MATN2: variants seen among roughly 807,000 people sequenced by gnomAD.
MATN2 encodes the protein matrilin-2.
A neutral mutation model predicts 103.2 loss-of-function variants in MATN2; 69 were observed. That is an observed-to-expected ratio of 0.67 (90% CI 0.55 to 0.82). MATN2 has a LOEUF of 0.82. Ranked by LOEUF, MATN2 falls within the 40% of genes least tolerant of loss-of-function variation. The pLI, the probability that MATN2 is intolerant of heterozygous loss-of-function variation, is 0.00. For missense variants in MATN2, 1,023 were observed against 1,211.5 expected, an observed-to-expected ratio of 0.84 and a Z score of 2.31; for synonymous variants, 429 against 450.2, an observed-to-expected ratio of 0.95 and a Z score of 0.60.
At position 97,931,485 on chromosome 8, in the gene MATN2, T is replaced by G. The variant is rs775831074; in HGVS notation, c.675T>G (p.Ile225Met). ...HVFLVANFSQ[I>M]ETLTSVFQKK... ...TCCTTGTGGCCAATTTCAGCCAGAT[T>G]GAGACGCTGACCTCCGTGTTCCAGA... Residue 225 changes from isoleucine (I) to methionine (M), a missense_variant, in exon 3 of 19, where the codon ATT (isoleucine) becomes ATG (methionine). Transcript: ENST00000254898. This position sits in a 1 kb window ranked among gnomAD's most constrained non-coding sequence, Gnocchi z 4.1. The G allele has an allele frequency of 4.2e-5, 67 of 1,612,774 alleles. No individual in the cohort carries two copies. The highest frequency in any genetic ancestry group is 5.6e-5 in the Non-Finnish European group (66 of 1,179,568).
chr8:97,936,859 G>C (rs1473866847), intron 3 of MATN2, among the ~76,000 whole-genome samples: 2 of 152,330 alleles, frequency 1.3e-5, no homozygotes, highest in South Asian at 2.1e-4. Context: ...CTCACCCACA[G>C]CATTCTACAG....
chr8:98,032,179 C>A, intron 15 of MATN2, 67 bp from the exon 16 acceptor site: 1 of 1,330,460 alleles, frequency 7.5e-7, no homozygotes, highest in Non-Finnish European at 1.1e-6. Context: ...CTGGGACCAG[C>A]TTCCTGAAGA....
intron 6 of MATN2, among the ~76,000 whole-genome samples, chr8:97,986,173 T>G (rs192811932): frequency 6.6e-6 from 1 of 152,202 alleles, no homozygotes; most frequent in Non-Finnish European, 1.5e-5. Flanking sequence ...ATTTATTGAG[T>G]CAAAGGCAAT....
At chr8:97,898,944 CAG>C (rs1818900910) in intron 2 of MATN2, among the ~76,000 whole-genome samples, 1 of 151,844 alleles carries the variant, frequency 6.6e-6, no homozygotes, top group South Asian at 2.1e-4. Flanking sequence ...TTTGTAAAGA[CAG>C]GGTTTCACCA....
chr8:97,949,595 G>A (rs1810876290), intron 4 of MATN2, among the ~76,000 whole-genome samples: 1 of 152,106 alleles, frequency 6.6e-6, no homozygotes, highest in African/African-American at 2.4e-5. Context: ...CAGCTTAGCG[G>A]TTTCTTACAA....
chr8:97,877,458 C>T (rs575451783), intron 1 of MATN2, among the ~76,000 whole-genome samples: 1 of 151,090 alleles, frequency 6.6e-6, no homozygotes, highest in African/African-American at 2.4e-5. Context: ...GCCTGAGCAA[C>T]GAGAGTGAAA....
chr8:98,011,118 A>G (rs1813143997), intron 10 of MATN2, among the ~76,000 whole-genome samples: 1 of 152,154 alleles, frequency 6.6e-6, no homozygotes, highest in Non-Finnish European at 1.5e-5. Context: ...CTGTGTCCTC[A>G]TATTGCATGG....
chr8:97,993,581 T>C (rs1262125632), intron 6 of MATN2, among the ~76,000 whole-genome samples: 1 of 152,080 alleles, frequency 6.6e-6, no homozygotes, highest in Non-Finnish European at 1.5e-5. Flanking sequence ...TAAAAAAATA[T>C]TTTGGTTTAA....
At chr8:97,885,408 A>G (rs1345568967) in intron 1 of MATN2, among the ~76,000 whole-genome samples, 3 of 152,056 alleles carry the variant, frequency 2.0e-5, no homozygotes, top group Non-Finnish European at 1.5e-5. Context: ...GGAGTTCAGG[A>G]GTTCAAAGAG....
chr8:98,027,412 A>G lies in MATN2; in HGVS notation c.1943-4A>G, dbSNP rs774297458. On this transcript the variant is annotated splice_region_variant and splice_polypyrimidine_tract_variant and intron_variant, in intron 13 of 18. Transcript: ENST00000254898. Reference sequence around the variant, plus strand: ...CTATGTCAACTTTCCTTCTGTTCATATAGAATGCACTGAAGGCCCAATTGA... The same window carrying G: ...CTATGTCAACTTTCCTTCTGTTCATGTAGAATGCACTGAAGGCCCAATTGA... 6.9e-6 allele frequency: 11 copies of G among 1,590,980 alleles called. No individual in the cohort carries two copies. Among genetic ancestry groups the G allele is most frequent in the South Asian group, 1.1e-5 (1 of 89,290 alleles).
intron 11 of MATN2, among the ~76,000 whole-genome samples, chr8:98,017,325 G>A (rs1256535578): frequency 2.0e-5 from 3 of 152,208 alleles, no homozygotes; most frequent in Admixed American, 6.5e-5. Context: ...CTTTCAGAAG[G>A]CAAAGCCTCT....
chr8:97,964,975 C>T (rs1415102135), intron 5 of MATN2, among the ~76,000 whole-genome samples: 1 of 152,138 alleles, frequency 6.6e-6, no homozygotes, highest in Non-Finnish European at 1.5e-5. Flanking sequence ...CTCAAGTAGT[C>T]TACCTGCCTC....
chr8:97,987,736 G>A (rs1407793943), intron 6 of MATN2, among the ~76,000 whole-genome samples: 1 of 152,036 alleles, frequency 6.6e-6, no homozygotes, highest in East Asian at 1.9e-4. Context: ...CATGGTAAAT[G>A]CTCAGAGAAT....
At chr8:98,019,210 G>GAC (rs1392777812) in intron 12 of MATN2, among the ~76,000 whole-genome samples, 1 of 150,246 alleles carries the variant, frequency 6.7e-6, no homozygotes, top group Non-Finnish European at 1.5e-5. Context: ...AGGAAAAATG[G>GAC]ACATACACAC....
intron 4 of MATN2, among the ~76,000 whole-genome samples, chr8:97,955,973 GTGAGCCCCAAAGTGGGGCTTAGCCCA>G (rs1811131429): frequency 6.6e-6 from 1 of 152,228 alleles, no homozygotes; most frequent in Non-Finnish European, 1.5e-5. Flanking sequence ...TGCAGGACAA[GTGAGCCCCAAAGTGGGGCTTAGCCCA>G]TGAGGGTTCT....
intron 5 of MATN2, 63 bp from the exon 6 acceptor site, chr8:97,978,823 A>T: frequency 6.5e-7 from 1 of 1,539,562 alleles, no homozygotes; most frequent in African/African-American, 1.4e-5. Context: ...TTTTGCCCTC[A>T]TCCTACCATT....
chr8:97,955,978 C>A (rs1226143202), intron 4 of MATN2, among the ~76,000 whole-genome samples: 2 of 152,192 alleles, frequency 1.3e-5, no homozygotes, highest in Non-Finnish European at 2.9e-5. Flanking sequence ...GACAAGTGAG[C>A]CCCAAAGTGG....
chr8:97,988,792 AATT>A (rs1308709917), intron 6 of MATN2, among the ~76,000 whole-genome samples: 2 of 152,188 alleles, frequency 1.3e-5, no homozygotes, highest in African/African-American at 4.8e-5. Flanking sequence ...ATTCTACACA[AATT>A]ATTCCAAAAA....
At chr8:97,876,901 GTAAT>G (rs1032746813) in intron 1 of MATN2, among the ~76,000 whole-genome samples, 1 of 151,830 alleles carries the variant, frequency 6.6e-6, no homozygotes, top group Admixed American at 6.6e-5. Flanking sequence ...TTAATATGCC[GTAAT>G]TAATTCTTTT....
Sources: gnomAD v4.1 joint callset for allele counts (sites outside exome capture counted in the v4.1 genomes callset) on GRCh38, gnomAD v4.1.1 for gene constraint, Gnocchi (gnomAD v3.1) non-coding constraint, MANE v1.5 for transcripts, NCBI Gene and HGNC (gene_info 2026-07-23, HGNC 2026-07-21) for gene names.